Variants in KCNMA1 observed in about 807,000 individuals in gnomAD.
KCNMA1 encodes Calcium-activated potassium channel subunit alpha-1.
KCNMA1 carries 29 observed loss-of-function variants against 140.0 expected under a neutral mutation model. The observed-to-expected ratio is 0.21, with a 90% CI of 0.15 to 0.28. The LOEUF (loss-of-function observed/expected upper bound fraction) is 0.28. KCNMA1 is among the 10% of genes least tolerant of loss of function. The probability of loss-of-function intolerance (pLI) is 1.00; values close to 1 mark genes in which losing one functional copy is unlikely to be tolerated. For synonymous variants in KCNMA1, 612 were observed against 611.9 expected, an observed-to-expected ratio of 1.00 and a Z score of 0.00; for missense variants, 880 against 1,602.2, an observed-to-expected ratio of 0.55 and a Z score of 7.70.
intron 1 of KCNMA1, among the ~76,000 whole-genome samples, chr10:77,511,031 C>G (rs960679052): frequency 6.6e-6 from 1 of 152,190 alleles, no homozygotes; most frequent in Non-Finnish European, 1.5e-5. Flanking sequence ...TCAAGGACAT[C>G]GAGCCTTGAA....
intron 1 of KCNMA1, among the ~76,000 whole-genome samples, chr10:77,510,452 G>A (rs1427401899): frequency 6.6e-6 from 1 of 152,144 alleles, no homozygotes; most frequent in Non-Finnish European, 1.5e-5. Flanking sequence ...CCTCTATGGA[G>A]TGCAGGTTTC....
At chr10:77,518,266 A>C (rs777179259) in intron 1 of KCNMA1, among the ~76,000 whole-genome samples, 7 of 152,160 alleles carry the variant, frequency 4.6e-5, no homozygotes, top group Non-Finnish European at 1.0e-4. Context: ...TTATTTATTT[A>C]CTATGTTTCT....
chr10:77,265,152 A>G (rs2063088334), intron 2 of KCNMA1, among the ~76,000 whole-genome samples: 1 of 151,258 alleles, frequency 6.6e-6, no homozygotes, highest in African/African-American at 2.4e-5. Flanking sequence ...CCCAGGTTCA[A>G]GTGATTCTCC....
chr10:77,472,371 TACACAC>T (rs371229132), intron 1 of KCNMA1, among the ~76,000 whole-genome samples: 3 of 117,508 alleles, frequency 2.6e-5, no homozygotes, highest in Non-Finnish European at 3.7e-5. Context: ...ACACACATAC[TACACAC>T]ACACTATACA....
intron 1 of KCNMA1, among the ~76,000 whole-genome samples, chr10:77,558,198 T>A (rs2065180959): frequency 6.6e-6 from 1 of 152,150 alleles, no homozygotes; most frequent in Admixed American, 6.5e-5. Context: ...AGATCCCAGA[T>A]GACTCCTGAA....
chr10:77,278,595 T>A (rs1196601809), intron 2 of KCNMA1, among the ~76,000 whole-genome samples: 2 of 152,194 alleles, frequency 1.3e-5, no homozygotes, highest in Non-Finnish European at 2.9e-5. Context: ...AACCCAGGAC[T>A]ATGGAAATTT....
intron 5 of KCNMA1, among the ~76,000 whole-genome samples, chr10:77,135,162 C>G (rs1238338098): frequency 6.6e-6 from 1 of 151,310 alleles, no homozygotes; most frequent in African/African-American, 2.4e-5. Flanking sequence ...AGCAAATAGC[C>G]CAATTAAGAA....
intron 3 of KCNMA1, among the ~76,000 whole-genome samples, chr10:77,207,845 C>T (rs1281067474): frequency 6.6e-6 from 1 of 152,172 alleles, no homozygotes; most frequent in Admixed American, 6.5e-5. Context: ...TGATGTTAGT[C>T]CCTGCTGACA....
At chr10:77,307,285 G>A (rs2078022436) in intron 2 of KCNMA1, among the ~76,000 whole-genome samples, 4 of 152,092 alleles carry the variant, frequency 2.6e-5, no homozygotes. Flanking sequence ...TATCATCCCT[G>A]TACATGCAGA....
intron 5 of KCNMA1, among the ~76,000 whole-genome samples, chr10:77,172,524 G>A (rs1482101879): frequency 6.6e-6 from 1 of 152,056 alleles, no homozygotes; most frequent in African/African-American, 2.4e-5. Context: ...ACAGCAATGA[G>A]CTCCCTGAAA....
At chr10:77,466,625 T>C (rs531928611) in intron 1 of KCNMA1, among the ~76,000 whole-genome samples, 1 of 152,188 alleles carries the variant, frequency 6.6e-6, no homozygotes, top group Non-Finnish European at 1.5e-5. Context: ...CATTATATAA[T>C]CAACCATTGA....
chr10:77,280,089 T>G (rs1425620437), intron 2 of KCNMA1, among the ~76,000 whole-genome samples: 1 of 152,160 alleles, frequency 6.6e-6, no homozygotes, highest in Non-Finnish European at 1.5e-5. Flanking sequence ...CCTCCTCTAA[T>G]AGAGAACACC....
intron 1 of KCNMA1, among the ~76,000 whole-genome samples, chr10:77,407,672 G>A (rs2096516477): frequency 6.6e-6 from 1 of 152,164 alleles, no homozygotes; most frequent in Non-Finnish European, 1.5e-5. Context: ...GATGGCTGTG[G>A]CCCATCAACC....
chr10:77,603,316 C>T (rs751939581), intron 1 of KCNMA1, among the ~76,000 whole-genome samples: 10 of 152,252 alleles, frequency 6.6e-5, no homozygotes, highest in East Asian at 1.9e-4. Flanking sequence ...ATCTCCACCC[C>T]CTCAGCCATG....
intron 2 of KCNMA1, among the ~76,000 whole-genome samples, chr10:77,265,092 C>A (rs1003096555): frequency 2.6e-5 from 4 of 151,946 alleles, no homozygotes; most frequent in Admixed American, 6.6e-5. Flanking sequence ...CACTCTATTG[C>A]CCAGGCTAGA....
At chr10:77,142,277 A>G (rs961845519) in intron 5 of KCNMA1, among the ~76,000 whole-genome samples, 4 of 152,040 alleles carry the variant, frequency 2.6e-5, no homozygotes, top group African/African-American at 9.7e-5. Flanking sequence ...AGGCTGAGGC[A>G]GGAGAATGGC....
At chr10:77,229,081 A>G (rs981466587) in intron 3 of KCNMA1, among the ~76,000 whole-genome samples, 1 of 152,202 alleles carries the variant, frequency 6.6e-6, no homozygotes, top group African/African-American at 2.4e-5. Context: ...TTCTAGGATG[A>G]ATAAGAAGTC....
rs567015154 is a variant in KCNMA1, at chr10:77,282,690, G to A, written c.541-31434C>T. On this transcript the variant is annotated intron_variant, in intron 2 of 27. Transcript: ENST00000286628. Reference sequence around the variant, plus strand: ...TATCTCCCCAGCCCCCAGCCTCCCAGGCTCCAATCTGCAACAACAAAGAGA... The same window carrying A: ...TATCTCCCCAGCCCCCAGCCTCCCAAGCTCCAATCTGCAACAACAAAGAGA... 1.4e-4 allele frequency among the ~76,000 whole-genome samples: 20 copies of A among 145,682 alleles called. 1 individual carries two copies. The highest frequency in any genetic ancestry group is 3.6e-3 in the Middle Eastern group (1 of 276).
At position 77,565,224 on chromosome 10, in the gene KCNMA1, TCAGGGATTC is replaced by T. The variant is rs951748244; in HGVS notation, c.378+72032_378+72040del. Among the ~76,000 whole-genome samples the T allele has an allele frequency of 1.1e-4, 17 of 152,278 alleles. No individual in the cohort carries two copies. In the East Asian group the frequency reaches 1.4e-3, roughly 12 times the overall value. On this transcript the variant is annotated intron_variant, in intron 1 of 27. Coordinates refer to ENST00000286628, the MANE Select transcript of KCNMA1 (RefSeq NM_001161352.2). ...CTTCCCCTTGTGAATCCCTCCAGGC[TCAGGGATTC>T]CAGGGATTCCAGGGATTCCCTCCCA...
Sources: gnomAD v4.1 joint callset for allele counts (sites outside exome capture counted in the v4.1 genomes callset) on GRCh38, gnomAD v4.1.1 for gene constraint, MANE v1.5 for transcripts, NCBI Gene and HGNC (gene_info 2026-07-23, HGNC 2026-07-21) for gene names.